Variants in FRYL observed in about 807,000 individuals in gnomAD.
The protein encoded by FRYL is FRY like transcription coactivator, also known as protein furry homolog-like.
A neutral mutation model predicts 351.2 loss-of-function variants in FRYL; 150 were observed. The observed-to-expected ratio is 0.43, with a 90% CI of 0.37 to 0.49. The LOEUF is 0.49. Among genes scored for constraint, FRYL ranks in the 20% least tolerant of loss-of-function variants. FRYL has a pLI of 0.00. For synonymous variants in FRYL, 1,153 were observed against 1,257.1 expected, an observed-to-expected ratio of 0.92 and a Z score of 1.75; for missense variants, 3,036 against 3,619.3, an observed-to-expected ratio of 0.84 and a Z score of 4.13.
At chr4:48,577,996 CA>C (rs1196214652) in intron 23 of FRYL, among the ~76,000 whole-genome samples, 2 of 150,038 alleles carry the variant, frequency 1.3e-5, no homozygotes, top group Admixed American at 1.3e-4. Flanking sequence ...TATATATATT[CA>C]AATCCAAAAG....
At chr4:48,553,674 C>A (rs1175854484) in intron 35 of FRYL, among the ~76,000 whole-genome samples, 8 of 149,006 alleles carry the variant, frequency 5.4e-5, no homozygotes, top group African/African-American at 1.5e-4. Flanking sequence ...AAAAAAAAAA[C>A]AAAAAAATAC....
At chr4:48,742,545 A>C (rs1269888246) in intron 1 of FRYL, among the ~76,000 whole-genome samples, 1 of 152,186 alleles carries the variant, frequency 6.6e-6, no homozygotes, top group African/African-American at 2.4e-5. Flanking sequence ...TATGGTATTT[A>C]AAATAGATTG....
chr4:48,770,302 A>G (rs1371483619), intron 1 of FRYL, among the ~76,000 whole-genome samples: 1 of 152,214 alleles, frequency 6.6e-6, no homozygotes, highest in African/African-American at 2.4e-5. Context: ...ATGATATTCA[A>G]TCACATTTTT....
intron 59 of FRYL, among the ~76,000 whole-genome samples, chr4:48,507,410 A>G (rs929613052): frequency 4.6e-5 from 7 of 152,198 alleles, no homozygotes; most frequent in African/African-American, 1.7e-4. Context: ...GAAGGTTAAA[A>G]TTTTTAACTG....
chr4:48,560,912 A>G (rs1183754751), intron 33 of FRYL, among the ~76,000 whole-genome samples: 3 of 152,190 alleles, frequency 2.0e-5, no homozygotes, highest in African/African-American at 4.8e-5. Context: ...AAGGACCCAC[A>G]GCAGAACTCT....
chr4:48,692,832 C>T (rs1183641453), intron 2 of FRYL, among the ~76,000 whole-genome samples: 1 of 152,118 alleles, frequency 6.6e-6, no homozygotes, highest in Non-Finnish European at 1.5e-5. Context: ...TGGAAACTAC[C>T]TGTACTATTA....
At position 48,562,979 on chromosome 4, in the gene FRYL, T is replaced by G. The variant is rs574079248; in HGVS notation, c.3606A>C (p.Gln1202His). Residue 1202 changes from glutamine to histidine, a missense_variant, in exon 32 of 64, where the codon CAA becomes CAC. By Grantham distance (24) the Gln-to-His change is conservative. Around this residue, in one of 7 missense-constraint regions of FRYL, gnomAD observed 1,987 missense variants for 2,311.7 expected, o/e 0.86. Transcript: ENST00000358350. ...GATTTAGAAGCATCACTGTGTCACA[T>G]TGATAATCCCTAGGAATAAATTTTA... Reference protein sequence around the residue: ...IANVFQNRDYQCDTVMLLNLI... With the variant: ...IANVFQNRDYHCDTVMLLNLI... The G allele has an allele frequency of 1.3e-6, 2 of 1,580,316 alleles. 1 individual carries two copies. Among genetic ancestry groups the G allele is most frequent in the Non-Finnish European group, 1.7e-6 (2 of 1,151,534 alleles).
At position 48,567,113 on chromosome 4, in the gene FRYL, T is replaced by C; in HGVS notation, c.3169+135A>G. ...TCAAAGGGAAAACAAACTCCAGCCA[T>C]CCAGGTTATGCTGACATATTTTTCC... On this transcript the variant is annotated intron_variant, in intron 28 of 63. Transcript: ENST00000358350. This position sits in a 1 kb window ranked among gnomAD's most constrained non-coding sequence, Gnocchi z 4.2. 1.5e-6 allele frequency: 1 copy of C among 652,628 alleles called. No homozygotes were observed. The highest frequency in any genetic ancestry group is 1.9e-5 in the African/African-American group (1 of 52,074). 40.4% of individuals were successfully genotyped at this position (652,628 alleles called of 1,614,324 possible). A position where few individuals can be genotyped will look rare whatever the true frequency, so the allele number is the denominator to read the frequency against.
At chr4:48,590,907 A>G in intron 16 of FRYL, 77 bp from the exon 17 acceptor site, 1 of 1,126,608 alleles carries the variant, frequency 8.9e-7, no homozygotes. Flanking sequence ...ATATTTCATC[A>G]GTAACATCAG....
intron 53 of FRYL, 42 bp from the exon 54 acceptor site, chr4:48,523,146 C>A: frequency 7.5e-7 from 1 of 1,329,126 alleles, no homozygotes; most frequent in Admixed American, 1.7e-5. Context: ...CAAATACATG[C>A]TTCTAAATGT....
chr4:48,772,083 C>G (rs987758978), intron 1 of FRYL, among the ~76,000 whole-genome samples: 7 of 152,074 alleles, frequency 4.6e-5, no homozygotes, highest in African/African-American at 1.7e-4. Context: ...CCCAGACATA[C>G]GAATGTCACT....
chr4:48,513,167 A>T (rs191939475), intron 56 of FRYL, among the ~76,000 whole-genome samples: 1 of 152,274 alleles, frequency 6.6e-6, no homozygotes, highest in East Asian at 1.9e-4. Flanking sequence ...AGGTTCTATT[A>T]TTATCTTGAT....
chr4:48,643,240 T>C (rs563375941), intron 3 of FRYL, among the ~76,000 whole-genome samples: 23 of 152,316 alleles, frequency 1.5e-4, no homozygotes, highest in Admixed American at 3.3e-4. Flanking sequence ...CTGACTGCTA[T>C]GAAGCTGAGC....
chr4:48,759,551 G>A (rs1452724631), intron 1 of FRYL, among the ~76,000 whole-genome samples: 3 of 152,142 alleles, frequency 2.0e-5, no homozygotes, highest in South Asian at 2.1e-4. Context: ...CTAAGAATCC[G>A]TTTTCTTGGC....
At chr4:48,688,555 T>C (rs2149553659) in intron 2 of FRYL, among the ~76,000 whole-genome samples, 1 of 152,290 alleles carries the variant, frequency 6.6e-6, no homozygotes, top group Non-Finnish European at 1.5e-5. Flanking sequence ...ATCAGTGGTT[T>C]TATCACTCTT....
chr4:48,698,829 T>A (rs1207175555), intron 2 of FRYL, among the ~76,000 whole-genome samples: 1 of 152,048 alleles, frequency 6.6e-6, no homozygotes, highest in Non-Finnish European at 1.5e-5. Context: ...AAATAGGCTT[T>A]ATTCTCCACA....
rs555425288 is a variant in FRYL at position 48,578,682 on chromosome 4, T to C, written c.2528+291A>G. On this transcript the variant is annotated intron_variant, in intron 23 of 63. Transcript: ENST00000358350. ...CATCCATACTCATCCTTAGATTCTTTCCCAATTTTTTCCCTTAACACAGAT... is the reference window on the plus strand; with the variant it reads ...CATCCATACTCATCCTTAGATTCTTCCCCAATTTTTTCCCTTAACACAGAT... Among the ~76,000 whole-genome samples, 4 of 152,314 alleles carry C rather than the reference T, an allele frequency of 2.6e-5. No homozygotes were observed. The South Asian group carries it at 8.3e-4, about 32-fold the overall frequency.
At chr4:48,683,114 T>C (rs1404656913) in intron 3 of FRYL, among the ~76,000 whole-genome samples, 2 of 152,174 alleles carry the variant, frequency 1.3e-5, no homozygotes, top group Non-Finnish European at 2.9e-5. Context: ...TTCATGTCCT[T>C]TGCACGGACA....
intron 13 of FRYL, among the ~76,000 whole-genome samples, chr4:48,600,909 T>A (rs1309606195): frequency 6.6e-6 from 1 of 152,188 alleles, no homozygotes; most frequent in African/African-American, 2.4e-5. Flanking sequence ...AAATAAGGCA[T>A]ATAAATTCTC....
Sources: gnomAD v4.1 joint callset for allele counts (sites outside exome capture counted in the v4.1 genomes callset) on GRCh38, gnomAD v4.1.1 for gene constraint, gnomAD v4.1.1 regional missense constraint, Gnocchi (gnomAD v3.1) non-coding constraint, MANE v1.5 for transcripts, NCBI Gene and HGNC (gene_info 2026-07-23, HGNC 2026-07-21) for gene names.